Variants in RIT2 observed in about 807,000 individuals in gnomAD.
The protein encoded by RIT2 is Ras like without CAAX 2, also known as GTP-binding protein Rit2.
Under a neutral mutation model 23.7 loss-of-function variants are expected in RIT2, and 24 were observed. That is an observed-to-expected ratio of 1.01 (90% CI 0.73 to 1.43). The LOEUF is 1.43. Among genes scored for constraint, RIT2 ranks in the 40% most tolerant of loss-of-function variants. The pLI is 0.00. For missense variants in RIT2, 236 were observed against 266.9 expected (o/e 0.88, Z 0.81); for synonymous variants, 107 against 91.1 (o/e 1.17, Z -0.99).
rs188327404 is a variant in RIT2 at position 42,931,706 on chromosome 18, C to T, written c.235-7943G>A. ...CTCATACTGGGAGCTGTTTTCCTGC[C>T]GATAAAACCTACAGGAATGTGTCTT... On this transcript the variant is annotated intron_variant, in intron 3 of 4. Transcript: ENST00000326695. 4.2e-3 allele frequency among the ~76,000 whole-genome samples: 640 copies of T among 152,080 alleles called. 8 individuals carry two copies. The highest frequency in any genetic ancestry group is 0.015 in the African/African-American group (602 of 41,488).
At chr18:42,869,539 G>A (rs892534347) in intron 4 of RIT2, among the ~76,000 whole-genome samples, 4 of 152,166 alleles carry the variant, frequency 2.6e-5, no homozygotes, top group African/African-American at 9.7e-5. Flanking sequence ...TCTTTATATG[G>A]TCTTGCCTTT....
At position 42,859,824 on chromosome 18, in the gene RIT2, C is replaced by G. The variant is rs1004390494; in HGVS notation, c.426+63748G>C. ...TCGCCCTGTCTCCCAGGCTGGAGTG[C>G]AGTCATGCCATCTCTGCTCACTGCG... On this transcript the variant is annotated intron_variant, in intron 4 of 4. Coordinates refer to ENST00000326695, the MANE Select transcript of RIT2 (RefSeq NM_002930.4). Among the ~76,000 whole-genome samples, 9 of 151,450 alleles carry G rather than the reference C, an allele frequency of 5.9e-5. No homozygotes were observed. The South Asian group carries it at 1.0e-3, about 18-fold the overall frequency.
intron 4 of RIT2, among the ~76,000 whole-genome samples, chr18:42,839,955 A>C (rs971147384): frequency 6.6e-6 from 1 of 152,218 alleles, no homozygotes; most frequent in Non-Finnish European, 1.5e-5. Context: ...TTAAAAATCA[A>C]AATGGTTAGG....
At chr18:43,048,028 G>A (rs896372036) in intron 1 of RIT2, among the ~76,000 whole-genome samples, 1 of 152,110 alleles carries the variant, frequency 6.6e-6, no homozygotes, top group Admixed American at 6.6e-5. Flanking sequence ...TAACCCACAG[G>A]GATCTGCGAT....
intron 4 of RIT2, among the ~76,000 whole-genome samples, chr18:42,854,294 T>G (rs1052612764): frequency 6.6e-6 from 1 of 152,174 alleles, no homozygotes; most frequent in Admixed American, 6.5e-5. Context: ...AGTTTGATTG[T>G]CAGGGGCCTA....
intron 4 of RIT2, among the ~76,000 whole-genome samples, chr18:42,817,824 T>C (rs1906040829): frequency 6.6e-6 from 1 of 152,054 alleles, no homozygotes; most frequent in African/African-American, 2.4e-5. Flanking sequence ...GTTGTTAAAA[T>C]AAGTGATAAC....
intron 3 of RIT2, among the ~76,000 whole-genome samples, chr18:42,966,535 G>C (rs1314762262): frequency 6.6e-6 from 1 of 152,066 alleles, no homozygotes; most frequent in Non-Finnish European, 1.5e-5. Flanking sequence ...ATATCATACT[G>C]ATGAGCAATT....
intron 3 of RIT2, among the ~76,000 whole-genome samples, chr18:42,944,825 T>C (rs1046159682): frequency 1.8e-4 from 28 of 152,104 alleles, no homozygotes; most frequent in African/African-American, 6.8e-4. Context: ...AAGATTCTAC[T>C]TAAGTTCCAT....
intron 1 of RIT2, among the ~76,000 whole-genome samples, chr18:43,063,562 C>A (rs1427200105): frequency 6.6e-6 from 1 of 152,048 alleles, no homozygotes; most frequent in Non-Finnish European, 1.5e-5. Flanking sequence ...TTTATGGATT[C>A]TTCTTTAGTA....
intron 3 of RIT2, among the ~76,000 whole-genome samples, chr18:42,973,531 T>C (rs992119427): frequency 6.6e-6 from 1 of 151,972 alleles, no homozygotes; most frequent in Non-Finnish European, 1.5e-5. Context: ...TTACTTATAA[T>C]TGTGATGTAG....
At chr18:42,801,371 T>A (rs1338520698) in intron 4 of RIT2, among the ~76,000 whole-genome samples, 5 of 152,206 alleles carry the variant, frequency 3.3e-5, no homozygotes, top group Non-Finnish European at 1.5e-5. Context: ...AAGAGCTCAG[T>A]TACGTATCTA....
chr18:42,759,947 T>C (rs919393748), intron 4 of RIT2, among the ~76,000 whole-genome samples: 2 of 152,032 alleles, frequency 1.3e-5, no homozygotes, highest in Non-Finnish European at 2.9e-5. Context: ...ATAGCAAATT[T>C]TGTATTTTTA....
At chr18:43,023,713 G>A (rs2144268744) in intron 2 of RIT2, among the ~76,000 whole-genome samples, 1 of 152,082 alleles carries the variant, frequency 6.6e-6, no homozygotes, top group African/African-American at 2.4e-5. Context: ...AGACTCCAAT[G>A]ACTAAAACAG....
At chr18:43,115,155 G>A (rs1244083908) in intron 1 of RIT2, among the ~76,000 whole-genome samples, 35 of 152,024 alleles carry the variant, frequency 2.3e-4, no homozygotes, top group Admixed American at 2.2e-3. Context: ...TACACTAAGA[G>A]CAAATATCAC....
chr18:42,777,821 T>C (rs1468327774), intron 4 of RIT2, among the ~76,000 whole-genome samples: 1 of 152,194 alleles, frequency 6.6e-6, no homozygotes, highest in Admixed American at 6.5e-5. Context: ...ATAGCTAGTA[T>C]CAGATAAGCA....
chr18:42,983,409 A>G (rs75306614), intron 2 of RIT2, among the ~76,000 whole-genome samples: 2 of 146,120 alleles, frequency 1.4e-5, no homozygotes, highest in South Asian at 2.1e-4. Flanking sequence ...CAAGTTTTAG[A>G]AAAAAAAAAT....
chr18:43,085,036 G>A (rs1185301774), intron 1 of RIT2, among the ~76,000 whole-genome samples: 3 of 152,058 alleles, frequency 2.0e-5, no homozygotes. Flanking sequence ...AGGTAGGAAA[G>A]AGTAGGAAAG....
chr18:42,835,697 C>A (rs1906580813), intron 4 of RIT2, among the ~76,000 whole-genome samples: 1 of 151,804 alleles, frequency 6.6e-6, no homozygotes, highest in South Asian at 2.1e-4. Context: ...GTTTTAGATA[C>A]CATGGGCACC....
intron 3 of RIT2, among the ~76,000 whole-genome samples, chr18:42,962,884 G>T (rs1385410650): frequency 6.6e-6 from 1 of 152,054 alleles, no homozygotes; most frequent in African/African-American, 2.4e-5. Flanking sequence ...ATATAAAGTG[G>T]CTCCTCTTCA....
Sources: gnomAD v4.1 joint callset for allele counts (sites outside exome capture counted in the v4.1 genomes callset) on GRCh38, gnomAD v4.1.1 for gene constraint, MANE v1.5 for transcripts, NCBI Gene and HGNC (gene_info 2026-07-23, HGNC 2026-07-21) for gene names.